Variants in PSD3 observed in about 807,000 individuals in gnomAD.
PSD3 encodes PH and SEC7 domain-containing protein 3.
A neutral mutation model predicts 105.5 loss-of-function variants in PSD3; 49 were observed. That is an observed-to-expected ratio of 0.46 (90% CI 0.37 to 0.59). The LOEUF (loss-of-function observed/expected upper bound fraction) is 0.59, where lower values mean the gene tolerates loss of function less well. Ranked by LOEUF, PSD3 falls within the 20% of genes least tolerant of loss-of-function variation. The pLI, the probability that PSD3 is intolerant of heterozygous loss-of-function variation, is 0.00. For synonymous variants in PSD3, 557 were observed against 457.8 expected (o/e 1.22, Z -2.77); for missense variants, 1,561 against 1,263.8 (o/e 1.24, Z -3.57).
chr8:18,747,086 G>C (rs1054032612), intron 9 of PSD3, among the ~76,000 whole-genome samples: 1 of 152,192 alleles, frequency 6.6e-6, no homozygotes, highest in African/African-American at 2.4e-5. Context: ...GAACCCTATA[G>C]ATTTTAAGAT....
chr8:18,765,949 C>A (rs1806954475), intron 8 of PSD3, among the ~76,000 whole-genome samples: 1 of 144,568 alleles, frequency 6.9e-6, no homozygotes, highest in Non-Finnish European at 1.5e-5. Flanking sequence ...GCGTGGGTGA[C>A]AGAGCGAGAC....
intron 1 of PSD3, among the ~76,000 whole-genome samples, chr8:18,951,660 GC>G (rs1823242081): frequency 6.6e-6 from 1 of 152,122 alleles, no homozygotes; most frequent in Admixed American, 6.6e-5. Context: ...CCATGAAGTT[GC>G]TTTTGGACCC....
chr8:18,641,568 A>G (rs1314477572), intron 10 of PSD3, among the ~76,000 whole-genome samples: 1 of 152,224 alleles, frequency 6.6e-6, no homozygotes, highest in Non-Finnish European at 1.5e-5. Flanking sequence ...TTGTTGGGTG[A>G]TGGAAATGGG....
At chr8:18,739,723 T>A (rs1371921954) in intron 9 of PSD3, among the ~76,000 whole-genome samples, 1 of 152,222 alleles carries the variant, frequency 6.6e-6, no homozygotes, top group Non-Finnish European at 1.5e-5. Flanking sequence ...CAAAGTAATA[T>A]TATGATTTGA....
intron 1 of PSD3, among the ~76,000 whole-genome samples, chr8:18,983,339 T>C (rs1563485398): frequency 6.6e-6 from 1 of 152,222 alleles, no homozygotes; most frequent in Non-Finnish European, 1.5e-5. Context: ...TCTGCTTTCT[T>C]ATCTTTCACA....
At chr8:18,907,505 C>T (rs1819922481) in intron 2 of PSD3, among the ~76,000 whole-genome samples, 1 of 152,052 alleles carries the variant, frequency 6.6e-6, no homozygotes, top group Non-Finnish European at 1.5e-5. Flanking sequence ...TTTTATTGTA[C>T]CTTTTAAATG....
At chr8:18,900,165 A>C (rs563881382) in intron 2 of PSD3, among the ~76,000 whole-genome samples, 1 of 152,238 alleles carries the variant, frequency 6.6e-6, no homozygotes, top group South Asian at 2.1e-4. Flanking sequence ...AAAATTATCG[A>C]ACCATCTTTT....
chr8:18,570,643 C>T (rs577004571), intron 14 of PSD3, among the ~76,000 whole-genome samples: 2 of 146,488 alleles, frequency 1.4e-5, no homozygotes, highest in East Asian at 2.1e-4. Flanking sequence ...ACAAACAACC[C>T]CATCAAAAAG....
intron 4 of PSD3, chr8:18,849,135 T>C (rs571292374): frequency 1.3e-5 from 2 of 152,338 alleles, no homozygotes; most frequent in African/African-American, 4.8e-5. Flanking sequence ...GGTATTCATC[T>C]ACTTGTTAGA....
chr8:18,817,382 T>C lies in PSD3; in HGVS notation c.1635-12484A>G, dbSNP rs113506701. ...GTCCAGACTCTTATCAATCACCTAA[T>C]TCACCCTGTAGGTCATGGATTCAGA... On this transcript the variant is annotated intron_variant, in intron 4 of 15. Coordinates refer to ENST00000327040, the MANE Select transcript of PSD3 (RefSeq NM_015310.4). Among the ~76,000 whole-genome samples, 646 of 152,288 alleles carry C rather than the reference T, an allele frequency of 4.2e-3. 5 individuals are homozygous for C. Among genetic ancestry groups the C allele is most frequent in the African/African-American group, 0.014 (600 of 41,554 alleles).
At chr8:18,543,268 A>T (rs1180388250) in intron 15 of PSD3, among the ~76,000 whole-genome samples, 1 of 151,762 alleles carries the variant, frequency 6.6e-6, no homozygotes, top group Admixed American at 6.6e-5. Flanking sequence ...TCCTTATTAC[A>T]TTTTTTTGCT....
At chr8:18,557,751 C>A (rs935446256) in intron 14 of PSD3, among the ~76,000 whole-genome samples, 1 of 152,172 alleles carries the variant, frequency 6.6e-6, no homozygotes, top group Non-Finnish European at 1.5e-5. Context: ...GTCTACATCT[C>A]CAAACCTATT....
intron 4 of PSD3, among the ~76,000 whole-genome samples, chr8:18,856,144 T>C (rs774493672): frequency 6.6e-6 from 1 of 152,096 alleles, no homozygotes; most frequent in African/African-American, 2.4e-5. Flanking sequence ...CCTTTACACA[T>C]AGCCAACTCA....
chr8:18,719,131 G>A (rs1802785047), intron 9 of PSD3, among the ~76,000 whole-genome samples: 2 of 152,200 alleles, frequency 1.3e-5, no homozygotes, highest in Non-Finnish European at 2.9e-5. Flanking sequence ...CCCGCAGCCT[G>A]CTTCAGAAGC....
chr8:18,655,460 A>AG (rs1808819959), intron 10 of PSD3, among the ~76,000 whole-genome samples, 182 bp downstream of exon 10: 1 of 152,192 alleles, frequency 6.6e-6, no homozygotes, highest in Non-Finnish European at 1.5e-5. Flanking sequence ...ATAAAACCGA[A>AG]ATAGGTTTTA....
At chr8:18,989,590 G>C (rs182891878) in intron 1 of PSD3, among the ~76,000 whole-genome samples, 2 of 152,184 alleles carry the variant, frequency 1.3e-5, no homozygotes. Flanking sequence ...AATTATCTTG[G>C]GCAAATCTCC....
At chr8:18,683,634 C>G in intron 9 of PSD3, 1 of 602,748 alleles carries the variant, frequency 1.7e-6, no homozygotes, top group Non-Finnish European at 3.0e-6. Flanking sequence ...CACCTGATCG[C>G]ACCTGATTCT....
In PSD3 at chr8:18,860,322, A is replaced by G. The variant is rs182228491; in HGVS notation, c.1634+7352T>C. On this transcript the variant is annotated intron_variant, in intron 4 of 15. Transcript: ENST00000327040. ...ACCACAGGTCACCATAACAGATATA[A>G]CAGTAATGAAAAAGTCTGAAATATT... Among the ~76,000 whole-genome samples, 2 of 152,292 alleles carry G rather than the reference A, an allele frequency of 1.3e-5. 1 individual carries two copies. Among genetic ancestry groups the G allele is most frequent in the Admixed American group, 1.3e-4 (2 of 15,298 alleles).
chr8:18,640,360 G>A (rs1315633786), intron 10 of PSD3, among the ~76,000 whole-genome samples: 1 of 152,094 alleles, frequency 6.6e-6, no homozygotes, highest in Non-Finnish European at 1.5e-5. Context: ...GATACGGTTT[G>A]GCTGTGTCCC....
Sources: gnomAD v4.1 joint callset for allele counts (sites outside exome capture counted in the v4.1 genomes callset) on GRCh38, gnomAD v4.1.1 for gene constraint, MANE v1.5 for transcripts, NCBI Gene and HGNC (gene_info 2026-07-23, HGNC 2026-07-21) for gene names.